The following HEPH variants were observed in gnomAD, a reference collection of about 807,000 sequenced individuals.
HEPH encodes the protein hephaestin.
Under a neutral mutation model 80.8 loss-of-function variants are expected in HEPH, and 69 were observed. The observed-to-expected ratio is 0.85, with a 90% CI of 0.70 to 1.04. The LOEUF is 1.04. HEPH is among the 50% of genes least tolerant of loss of function. HEPH has a pLI of 0.00. For synonymous variants in HEPH, 431 were observed against 322.8 expected (o/e 1.34, Z -3.60); for missense variants, 1,115 against 891.3 (o/e 1.25, Z -3.20).
chrX:66,247,460 T>C (rs1158753130), intron 15 of HEPH, among the ~76,000 whole-genome samples: 1 of 110,065 alleles, frequency 9.1e-6, no homozygotes, highest in Non-Finnish European at 1.9e-5. Flanking sequence ...TTAACTCTTC[T>C]AGTGAATTAA....
At chrX:66,225,681 C>T (rs189725632) in intron 15 of HEPH, among the ~76,000 whole-genome samples, 4 of 112,626 alleles carry the variant, frequency 3.6e-5, no homozygotes, top group African/African-American at 1.3e-4. Context: ...AGGCATTCCA[C>T]TGGGGCAATT....
chrX:66,267,916 A>G (rs1386106739), downstream of HEPH: 1 of 111,796 alleles, frequency 8.9e-6, no homozygotes. Flanking sequence ...ATTGTACCAC[A>G]TGGCAAGTGG....
intron 2 of HEPH, chrX:66,171,113 T>C (rs2086578012): frequency 3.1e-6 from 1 of 323,483 alleles, no homozygotes; most frequent in African/African-American, 2.7e-5. Flanking sequence ...GAAGCTACTG[T>C]ATATTTATTT....
At chrX:66,243,409 C>A (rs1285827308) in intron 15 of HEPH, among the ~76,000 whole-genome samples, 1 of 112,329 alleles carries the variant, frequency 8.9e-6, no homozygotes, top group Non-Finnish European at 1.9e-5. Flanking sequence ...AACCCTTTAC[C>A]ATTATGGAAT....
At chrX:66,219,818 T>A (rs1167916616) in intron 15 of HEPH, among the ~76,000 whole-genome samples, 1 of 111,397 alleles carries the variant, frequency 9.0e-6, no homozygotes, top group African/African-American at 3.3e-5. Flanking sequence ...GGTATTTTGG[T>A]GTAAGCTCTA....
chrX:66,229,968 T>TGTGTC (rs2090057278), intron 15 of HEPH, among the ~76,000 whole-genome samples: 1 of 84,087 alleles, frequency 1.2e-5, no homozygotes, highest in South Asian at 8.0e-4. Flanking sequence ...ATATTCCCCT[T>TGTGTC]CCTGTGTCCA....
At chrX:66,254,658 A>G (rs2148181883) in intron 15 of HEPH, among the ~76,000 whole-genome samples, 1 of 110,866 alleles carries the variant, frequency 9.0e-6, no homozygotes, top group African/African-American at 3.3e-5. Context: ...AAGAGAGAAG[A>G]GAACTGAGAC....
intron 15 of HEPH, among the ~76,000 whole-genome samples, chrX:66,221,831 C>G (rs1302531315): frequency 8.9e-6 from 1 of 112,607 alleles, no homozygotes; most frequent in Non-Finnish European, 1.9e-5. Flanking sequence ...TCAAATCCTG[C>G]AGCTATTTGA....
In HEPH at chrX:66,173,594, C is replaced by T. The variant is rs760410000; in HGVS notation, c.418C>T (p.Leu140=). The change falls in exon 4 of 21, where the codon CTA becomes TTA. Residue 140 remains leucine, a synonymous_variant. Transcript: ENST00000343002. ...ATGTACAATTTCATTTCTAGGTTCCCTATACCCAGATGGCTCCTCTGGGCC... is the reference window on the plus strand; with the variant it reads ...ATGTACAATTTCATTTCTAGGTTCCTTATACCCAGATGGCTCCTCTGGGCC... ...VFYEKDSEGS[L]YPDGSSGPLK... is the part of the protein sequence containing the mutation. The T allele has an allele frequency of 1.7e-6, 2 of 1,203,605 alleles. No individual in the cohort carries two copies. Among genetic ancestry groups the T allele is most frequent in the South Asian group, 3.6e-5 (2 of 56,262 alleles).
intron 8 of HEPH, among the ~76,000 whole-genome samples, chrX:66,194,576 C>A (rs781496176): frequency 8.9e-6 from 1 of 111,776 alleles, no homozygotes; most frequent in African/African-American, 3.3e-5. Flanking sequence ...GGCTAGATTA[C>A]CTAGTACAGT....
intron 4 of HEPH, among the ~76,000 whole-genome samples, chrX:66,181,060 G>C (rs1347595287): frequency 1.5e-5 from 1 of 65,056 alleles, no homozygotes; most frequent in African/African-American, 7.1e-5. Context: ...AGTATTCCAT[G>C]GTGTATATGT....
At chrX:66,190,717 C>T (rs1197530776) in intron 6 of HEPH, among the ~76,000 whole-genome samples, 5 of 111,492 alleles carry the variant, frequency 4.5e-5, no homozygotes, top group Non-Finnish European at 9.4e-5. Flanking sequence ...TATGTGAGTA[C>T]TTGAAGTGGA....
At position 66,207,198 on chromosome X, in the gene HEPH, T is replaced by C. The variant is rs806607; in HGVS notation, c.2295T>C (p.Tyr765=). Reference sequence around the variant, plus strand: ...AGTACTCTTTGGATTCCTCTAGTTATGGTTACATTTTCCTGAGCAACAAGG... The same window carrying C: ...AGTACTCTTTGGATTCCTCTAGTTACGGTTACATTTTCCTGAGCAACAAGG... ...EWHNQSEKDS[Y]GYIFLSNKDG... is the part of the protein sequence containing the mutation. Residue 765 remains tyrosine (Y), a synonymous_variant, in exon 14 of 21, where the codon TAT becomes TAC. Transcript: ENST00000343002. 285,249 of 1,200,802 alleles carry C rather than the reference T, an allele frequency of 0.24. 33,710 individuals are homozygous for C. Among genetic ancestry groups the C allele is most frequent in the African/African-American group, 0.87 (48,213 of 55,439 alleles).
At chrX:66,262,590 G>T (rs763256237) in intron 19 of HEPH, among the ~76,000 whole-genome samples, 1 of 111,794 alleles carries the variant, frequency 8.9e-6, no homozygotes, top group Non-Finnish European at 1.9e-5. Context: ...TTACAATTGT[G>T]TTATTTTCTC....
chrX:66,202,513 C>A (rs944735178), intron 12 of HEPH, among the ~76,000 whole-genome samples: 1 of 111,449 alleles, frequency 9.0e-6, no homozygotes, highest in African/African-American at 3.3e-5. Flanking sequence ...AAGATCTGGT[C>A]CAGGCAACTT....
intron 12 of HEPH, 57 bp downstream of exon 12, chrX:66,200,809 G>A (rs2088397877): frequency 1.7e-5 from 17 of 983,323 alleles, no homozygotes; most frequent in Non-Finnish European, 2.3e-5. Flanking sequence ...CCAGGAATGG[G>A]GTCGGGAAGA....
intron 15 of HEPH, among the ~76,000 whole-genome samples, chrX:66,216,312 C>T (rs950500680): frequency 5.4e-5 from 6 of 111,611 alleles, no homozygotes; most frequent in African/African-American, 9.8e-5. Context: ...AAAATACAAC[C>T]GAGGACTCTT....
chrX:66,249,299 G>C (rs1258934317), intron 15 of HEPH, among the ~76,000 whole-genome samples: 1 of 111,906 alleles, frequency 8.9e-6, no homozygotes, highest in Non-Finnish European at 1.9e-5. Context: ...ATGAGCTGAA[G>C]CCTTACTTAT....
intron 8 of HEPH, among the ~76,000 whole-genome samples, chrX:66,193,905 T>A (rs2087946189): frequency 8.9e-6 from 1 of 112,319 alleles, no homozygotes; most frequent in African/African-American, 3.2e-5. Context: ...CTCCACTTTT[T>A]TTCAGTGAAT....
Sources: gnomAD v4.1 joint callset for allele counts (sites outside exome capture counted in the v4.1 genomes callset) on GRCh38, gnomAD v4.1.1 for gene constraint, MANE v1.5 for transcripts, NCBI Gene and HGNC (gene_info 2026-07-23, HGNC 2026-07-21) for gene names.